Variants in HYOU1 observed in about 807,000 individuals in gnomAD.
HYOU1 encodes the protein hypoxia up-regulated protein 1.
In HYOU1, 40 loss-of-function variants were observed where a neutral mutation model predicts 120.5. The ratio of observed to expected loss-of-function variants is 0.33; its 90% CI spans 0.26 to 0.43. The LOEUF (loss-of-function observed/expected upper bound fraction) is 0.43. Ranked by LOEUF, HYOU1 falls within the 20% of genes least tolerant of loss-of-function variation. The pLI, the probability that HYOU1 is intolerant of heterozygous loss-of-function variation, is 1.00. For missense variants in HYOU1, 1,085 were observed against 1,278.3 expected (o/e 0.85, Z 2.31); for synonymous variants, 501 against 479.4 (o/e 1.05, Z -0.59).
rs2133561864 is a variant in HYOU1 at position 119,048,221 on chromosome 11, C to A, written c.2376+27G>T. On this transcript the variant is annotated intron_variant, in intron 20 of 25. Transcript: ENST00000617285. The surrounding 1 kb of genome is among the most constrained non-coding windows in gnomAD (Gnocchi z 4.7). ...GAGAGGAAGGAGAGCTCCCACTCCA[C>A]CTGCCATGTCCTGAGAGGCCCCTCA... 2 of 1,607,178 alleles carry A rather than the reference C, an allele frequency of 1.2e-6. No homozygotes were observed. Among genetic ancestry groups the A allele is most frequent in the African/African-American group, 2.7e-5 (2 of 74,808 alleles).
At position 119,052,429 on chromosome 11, in the gene HYOU1, T is replaced by C; in HGVS notation, c.988A>G (p.Ile330Val). 1 of 1,614,172 alleles carries C rather than the reference T, an allele frequency of 6.2e-7. No homozygotes were observed. Residue 330 changes from isoleucine (I) to valine (V), a missense_variant and splice_region_variant, in exon 10 of 26, where the codon ATT becomes GTT. By Grantham distance (29) the Ile-to-Val change is conservative (BLOSUM62 3). Around this residue, in one of 4 missense-constraint regions of HYOU1, gnomAD observed 515 missense variants for 677.8 expected, o/e 0.76. Coordinates refer to ENST00000617285, the MANE Select transcript of HYOU1 (RefSeq NM_006389.5). This position sits in a 1 kb window ranked among gnomAD's most constrained non-coding sequence, Gnocchi z 5.0. Reference protein sequence around the residue: ...LSANADHMAQIEGLMDDVDFK... With the variant: ...LSANADHMAQVEGLMDDVDFK... ...TCCACATCATCCATCAGGCCTTCAA[T>C]CTGGGAGAGGATGGGGACTGTCAGG... is the stretch of plus-strand genomic sequence containing the variant.
chr11:119,051,968 C>A lies in HYOU1; in HGVS notation c.1206-17G>T. 1.2e-6 allele frequency: 2 copies of A among 1,614,082 alleles called. No homozygotes were observed. The highest frequency in any genetic ancestry group is 1.7e-6 in the Non-Finnish European group (2 of 1,179,960). On this transcript the variant is annotated splice_polypyrimidine_tract_variant and intron_variant, in intron 11 of 25. Transcript: ENST00000617285. The surrounding 1 kb of genome is among the most constrained non-coding windows in gnomAD (Gnocchi z 4.2). ...AGCTCCTCCCTGGGAAAGCCCCAAG[C>A]CTCAGCACGGTCTACCCTGGAGCAT...
At chr11:119,054,915 C>T (rs1944663087) in intron 6 of HYOU1, 69 bp downstream of exon 6, 1 of 1,501,092 alleles carries the variant, frequency 6.7e-7, no homozygotes, top group South Asian at 1.2e-5. Context: ...GCAAACTTGC[C>T]CCTGTTGGAG....
At position 119,052,420 on chromosome 11, in the gene HYOU1, G is replaced by A. The variant is rs2133592724; in HGVS notation, c.997C>T (p.Leu333=). ...GCCTTGAAGTCCACATCATCCATCA[G>A]GCCTTCAATCTGGGAGAGGATGGGG... ...NADHMAQIEG[L]MDDVDFKAKV... is the part of the protein sequence containing the mutation. Residue 333 remains leucine, a synonymous_variant, in exon 10 of 26, where the codon CTG becomes TTG. Transcript: ENST00000617285. This position sits in a 1 kb window ranked among gnomAD's most constrained non-coding sequence, Gnocchi z 5.0. 1.2e-6 allele frequency: 2 copies of A among 1,614,188 alleles called. No homozygotes were observed. Among genetic ancestry groups the A allele is most frequent in the Non-Finnish European group, 1.7e-6 (2 of 1,180,042 alleles).
chr11:119,053,023 T>C (rs2133597157), intron 8 of HYOU1, 194 bp from the exon 9 acceptor site: 350 of 555,858 alleles, frequency 6.3e-4, no homozygotes, highest in Admixed American at 1.3e-3. Context: ...GTGACCCTTC[T>C]TCCACTCATT....
chr11:119,053,958 C>T (rs1164423419), intron 8 of HYOU1, 163 bp downstream of exon 8: 1 of 565,924 alleles, frequency 1.8e-6, no homozygotes, highest in African/African-American at 1.9e-5. Context: ...TGAGCCTCAG[C>T]TTCCCCTTAC....
chr11:119,051,992 A>T lies in HYOU1; in HGVS notation c.1206-41T>A, dbSNP rs2133589497. On this transcript the variant is annotated intron_variant, in intron 11 of 25. Transcript: ENST00000617285. This position sits in a 1 kb window ranked among gnomAD's most constrained non-coding sequence, Gnocchi z 4.2. ...GCCTCAGCACGGTCTACCCTGGAGC[A>T]TGCAACCGGGACTTCCCTCCCCTCA... 1 of 1,613,364 alleles carries T rather than the reference A, an allele frequency of 6.2e-7. No individual in the cohort carries two copies.
At chr11:119,053,845 T>C in intron 8 of HYOU1, 1 of 323,582 alleles carries the variant, frequency 3.1e-6, no homozygotes. Context: ...AACAAAAACA[T>C]GATTGAATCT....
chr11:119,052,340 C>T lies in HYOU1; in HGVS notation c.1077G>A (p.Val359=). 1 of 1,614,246 alleles carries T rather than the reference C, an allele frequency of 6.2e-7. No individual in the cohort carries two copies. The highest frequency in any genetic ancestry group is 1.7e-5 in the Admixed American group (1 of 60,026). The change falls in exon 10 of 26, where the codon GTG becomes GTA. Residue 359 remains valine (V), a synonymous_variant. Transcript: ENST00000617285. This position sits in a 1 kb window ranked among gnomAD's most constrained non-coding sequence, Gnocchi z 5.0. Reference sequence around the variant, plus strand: ...GGAGGGCCTGCTGTACAGGCCCAGGCACCCGCTCAAACAAGTCTGCACACA... The same window carrying T: ...GGAGGGCCTGCTGTACAGGCCCAGGTACCCGCTCAAACAAGTCTGCACACA... The part of the protein sequence containing the change: ...EELCADLFER[V]PGPVQQALQS...
chr11:119,048,207 G>C lies in HYOU1; in HGVS notation c.2376+41C>G, dbSNP rs1405910583. The C allele has an allele frequency of 6.2e-7, 1 of 1,606,452 alleles. No individual in the cohort carries two copies. Among genetic ancestry groups the C allele is most frequent in the East Asian group, 2.2e-5 (1 of 44,790 alleles). On this transcript the variant is annotated intron_variant, in intron 20 of 25. Coordinates refer to ENST00000617285, the MANE Select transcript of HYOU1 (RefSeq NM_006389.5). The surrounding 1 kb of genome is among the most constrained non-coding windows in gnomAD (Gnocchi z 4.7). ...CTCTCTGACCCTGGGAGAGGAAGGA[G>C]AGCTCCCACTCCACCTGCCATGTCC... is the stretch of plus-strand genomic sequence containing the variant.
Position 119,054,236 on chromosome 11 carries a change from T to A in HYOU1, c.679A>T (p.Asn227Tyr), listed in dbSNP as rs1411128581. The A allele has an allele frequency of 3.7e-6, 6 of 1,604,002 alleles. No individual in the cohort carries two copies. The highest frequency in any genetic ancestry group is 1.3e-5 in the African/African-American group (1 of 74,718). ...GAGCCCATGTCATAGAACATGATAT[T>A]CTGTAGAGATATCAAGGCAACTGTC... ...RRKDINTTAQ[N>Y]IMFYDMGSGS... Residue 227 changes from asparagine (N) to tyrosine (Y), a missense_variant and splice_region_variant, in exon 8 of 26, where the codon AAT becomes TAT. Physicochemically the swap from Asn to Tyr is moderately radical, Grantham distance 143 (BLOSUM62 -2). Coordinates refer to ENST00000617285, the MANE Select transcript of HYOU1 (RefSeq NM_006389.5).
chr11:119,053,099 G>A, intron 8 of HYOU1: 1 of 403,324 alleles, frequency 2.5e-6, no homozygotes, highest in Non-Finnish European at 4.4e-6. Flanking sequence ...GTGGCGGTGG[G>A]GAGAGAGACA....
In HYOU1 at chr11:119,047,984, G is replaced by A. The variant is rs2133560041; in HGVS notation, c.2473C>T (p.Leu825Phe). ...RKKWPERLSA[L>F]DNLLNHSSMF... ...CTGGAATGGTTGAGGAGATTATCGAGGGCAGACAGCCGTTCGGGCCACTTC... is the reference window on the plus strand; with the variant it reads ...CTGGAATGGTTGAGGAGATTATCGAAGGCAGACAGCCGTTCGGGCCACTTC... Residue 825 changes from leucine (L) to phenylalanine (F), a missense_variant, in exon 21 of 26, where the codon CTC becomes TTC. Physicochemically the swap from Leu to Phe is conservative, Grantham distance 22. Around this residue, in one of 4 missense-constraint regions of HYOU1, gnomAD observed 516 missense variants for 517.1 expected, o/e 1.00. Transcript: ENST00000617285. The A allele has an allele frequency of 6.2e-7, 1 of 1,614,202 alleles. No individual in the cohort carries two copies.
At position 119,055,627 on chromosome 11, in the gene HYOU1, C is replaced by T. The variant is rs371123507; in HGVS notation, c.186-56G>A. The stretch of plus-strand genomic sequence containing the variant: ...CTGCAGCAGAAGGACTCAGAAGCCT[C>T]GACACTCACACACATTTAACCACTC... On this transcript the variant is annotated intron_variant, in intron 3 of 25. Coordinates refer to ENST00000617285, the MANE Select transcript of HYOU1 (RefSeq NM_006389.5). This position sits in a 1 kb window ranked among gnomAD's most constrained non-coding sequence, Gnocchi z 4.0. 1.8e-4 allele frequency: 279 copies of T among 1,534,688 alleles called. No individual in the cohort carries two copies. Among genetic ancestry groups the T allele is most frequent in the Non-Finnish European group, 2.1e-4 (233 of 1,107,908 alleles).
At chr11:119,056,668 ATCCC>A in intron 1 of HYOU1, 2 of 301,772 alleles carry the variant, frequency 6.6e-6, no homozygotes, top group South Asian at 5.7e-5. Flanking sequence ...CCTCCTCGGC[ATCCC>A]TGCGGGTTGT....
At position 119,045,345 on chromosome 11, in the gene HYOU1, C is replaced by G; in HGVS notation, c.*248G>C. 1 of 654,074 alleles carries G rather than the reference C, an allele frequency of 1.5e-6. No individual in the cohort carries two copies. 40.5% of individuals were successfully genotyped at this position (654,074 alleles called of 1,614,324 possible). On this transcript the variant is annotated 3_prime_UTR_variant, in exon 26 of 26. Transcript: ENST00000617285. The stretch of plus-strand genomic sequence containing the variant: ...ATAGTGATTTTTCCCAAATTTAGGG[C>G]CTATATGGGTAGGGAACAGGGAGTG...
rs2133567765 is a variant in HYOU1, at chr11:119,048,844, G to C, written c.2035C>G (p.Pro679Ala). The change falls in exon 18 of 26, where the codon CCA (proline) becomes GCA (alanine). Residue 679 changes from proline to alanine, a missense_variant. Transcript: ENST00000617285. This position sits in a 1 kb window ranked among gnomAD's most constrained non-coding sequence, Gnocchi z 4.7. Reference sequence around the variant, plus strand: ...TGCTTCTTCTCTCCCTCTGGGGCTGGAGCGACGCCCTCAGGCCCTGCCTCT... The same window carrying C: ...TGCTTCTTCTCTCCCTCTGGGGCTGCAGCGACGCCCTCAGGCCCTGCCTCT... ...KAEAGPEGVA[P>A]APEGEKKQKP... 12 of 1,613,564 alleles carry C rather than the reference G, an allele frequency of 7.4e-6. No individual in the cohort carries two copies. The South Asian group carries it at 1.3e-4, about 18-fold the overall frequency.
rs2133564146 is a variant in HYOU1 at position 119,048,436 on chromosome 11, G to GT, written c.2253+39dup. On this transcript the variant is annotated intron_variant, in intron 19 of 25. Coordinates refer to ENST00000617285, the MANE Select transcript of HYOU1 (RefSeq NM_006389.5). The surrounding 1 kb of genome is among the most constrained non-coding windows in gnomAD (Gnocchi z 4.7). The stretch of plus-strand genomic sequence containing the variant: ...AGAGGCAAGGCCCACAGAGCCAGGT[G>GT]TAAGCCCAGTGGGGGGGCTGCTGCC... The GT allele has an allele frequency of 6.2e-7, 1 of 1,612,884 alleles. No individual in the cohort carries two copies. The highest frequency in any genetic ancestry group is 8.5e-7 in the Non-Finnish European group (1 of 1,179,792).
In HYOU1 at chr11:119,050,977, A is replaced by T. The variant is rs1944406246; in HGVS notation, c.1665+58T>A. On this transcript the variant is annotated intron_variant, in intron 14 of 25. Transcript: ENST00000617285. ...TAATGCCATGTGGAACCCACTTTGG[A>T]AATGGCTGGCAGGGCCTGAGCCCCT... 5 of 1,594,458 alleles carry T rather than the reference A, an allele frequency of 3.1e-6. No individual in the cohort carries two copies. The Admixed American group carries it at 5.2e-5, about 17-fold the overall frequency.
Sources: gnomAD v4.1 joint callset for allele counts on GRCh38, gnomAD v4.1.1 for gene constraint, gnomAD v4.1.1 regional missense constraint, Gnocchi (gnomAD v3.1) non-coding constraint, MANE v1.5 for transcripts, NCBI Gene and HGNC (gene_info 2026-07-23, HGNC 2026-07-21) for gene names.